The following CSMD3 variants were observed in gnomAD, a reference collection of about 807,000 sequenced individuals.
CSMD3 encodes the protein CUB and sushi domain-containing protein 3.
In CSMD3, 177 loss-of-function variants were observed where a neutral mutation model predicts 435.2. The observed-to-expected ratio is 0.41, with a 90% confidence interval of 0.36 to 0.46. The LOEUF is 0.46. Ranked by LOEUF, CSMD3 falls within the 20% of genes least tolerant of loss-of-function variation. The probability of loss-of-function intolerance (pLI) is 0.34; values close to 1 mark genes in which losing one functional copy is unlikely to be tolerated. For missense variants in CSMD3, 4,265 were observed against 4,504.6 expected (o/e 0.95, Z 1.52); for synonymous variants, 1,656 against 1,520.5 (o/e 1.09, Z -2.07).
At chr8:112,371,585 G>T (rs890788794) in intron 38 of CSMD3, among the ~76,000 whole-genome samples, 1 of 152,022 alleles carries the variant, frequency 6.6e-6, no homozygotes, top group African/African-American at 2.4e-5. Flanking sequence ...TCTGTGAGGT[G>T]TAAGATAAAA....
rs376729173 is a variant in CSMD3, at chr8:112,336,812, T to C, written c.6859A>G (p.Ile2287Val). The C allele has an allele frequency of 1.9e-6, 3 of 1,613,032 alleles. No homozygotes were observed. The highest frequency in any genetic ancestry group is 1.3e-5 in the African/African-American group (1 of 75,030). Residue 2287 changes from isoleucine to valine, a missense_variant, in exon 44 of 71, where the codon ATA becomes GTA. Physicochemically the swap from Ile to Val is conservative, Grantham distance 29. Around this residue, in one of 3 missense-constraint regions of CSMD3, gnomAD observed 3,255 missense variants for 3,380.2 expected, o/e 0.96. Transcript: ENST00000297405. ...TAAATGGTGCCATTCATTGCAGTTA[T>C]ATTCCCACCACAAAGAGCTACGGAA... is the stretch of plus-strand genomic sequence containing the variant. ...PRCEALCGGN[I>V]TAMNGTIYSP...
chr8:112,413,784 T>C (rs536721938), intron 32 of CSMD3, among the ~76,000 whole-genome samples: 2 of 152,306 alleles, frequency 1.3e-5, no homozygotes, highest in East Asian at 3.9e-4. Flanking sequence ...TAGCAGTCTC[T>C]CCTCGAACAA....
At chr8:112,687,593 GAT>G (rs2076040241) in intron 14 of CSMD3, among the ~76,000 whole-genome samples, 9 of 152,024 alleles carry the variant, frequency 5.9e-5, no homozygotes, top group Admixed American at 5.2e-4. Context: ...TCTACCAACA[GAT>G]ATATCTCTCT....
intron 2 of CSMD3, among the ~76,000 whole-genome samples, chr8:113,285,476 G>A (rs954582930): frequency 6.6e-6 from 1 of 152,052 alleles, no homozygotes. Flanking sequence ...AGCCAGGATG[G>A]TCTCGATCTC....
At chr8:112,805,007 C>T (rs2079051090) in intron 12 of CSMD3, among the ~76,000 whole-genome samples, 1 of 152,082 alleles carries the variant, frequency 6.6e-6, no homozygotes, top group Non-Finnish European at 1.5e-5. Flanking sequence ...TCTTACTTTC[C>T]ATCTGGTGTT....
chr8:112,965,254 A>C (rs1046307588), intron 7 of CSMD3, among the ~76,000 whole-genome samples: 2 of 152,030 alleles, frequency 1.3e-5, no homozygotes, highest in South Asian at 2.1e-4. Context: ...CAGGTAAAAG[A>C]AGCTCTGGTA....
chr8:112,540,055 A>G (rs1586637847), intron 27 of CSMD3, among the ~76,000 whole-genome samples: 1 of 152,142 alleles, frequency 6.6e-6, no homozygotes, highest in East Asian at 1.9e-4. Flanking sequence ...CTCAATAGCA[A>G]AAAAACACAA....
chr8:112,530,019 T>A (rs1341889955), intron 27 of CSMD3, among the ~76,000 whole-genome samples: 1 of 150,028 alleles, frequency 6.7e-6, no homozygotes, highest in Non-Finnish European at 1.5e-5. Context: ...ATAACTAAAG[T>A]GAAAAATAAC....
chr8:112,380,728 G>A (rs148038930), intron 37 of CSMD3, among the ~76,000 whole-genome samples: 2 of 152,170 alleles, frequency 1.3e-5, no homozygotes, highest in African/African-American at 4.8e-5. Context: ...AAAGCTATAC[G>A]TTTGACATGT....
chr8:112,537,599 G>A (rs1826245185), intron 27 of CSMD3, among the ~76,000 whole-genome samples: 1 of 151,704 alleles, frequency 6.6e-6, no homozygotes, highest in Non-Finnish European at 1.5e-5. Flanking sequence ...CTATTATGAA[G>A]AAGAATATAC....
At chr8:112,403,592 T>C (rs1831515790) in intron 35 of CSMD3, among the ~76,000 whole-genome samples, 1 of 152,134 alleles carries the variant, frequency 6.6e-6, no homozygotes, top group African/African-American at 2.4e-5. Flanking sequence ...AGTGCCTCTG[T>C]GTCCTCACAT....
At chr8:113,018,872 T>C in intron 6 of CSMD3, 195 bp downstream of exon 6, 3 of 591,174 alleles carry the variant, frequency 5.1e-6, no homozygotes, top group South Asian at 4.1e-5. Context: ...CTGAATATTA[T>C]ACTATAAAAT....
At chr8:112,718,515 G>GTATATATA (rs35810260) in intron 13 of CSMD3, among the ~76,000 whole-genome samples, 84 of 140,466 alleles carry the variant, frequency 6.0e-4, no homozygotes, top group African/African-American at 2.0e-3. Flanking sequence ...GTATATATAT[G>GTATATATA]TATATATATA....
chr8:112,505,048 C>T (rs1279030153), intron 29 of CSMD3, among the ~76,000 whole-genome samples: 1 of 152,084 alleles, frequency 6.6e-6, no homozygotes, highest in Non-Finnish European at 1.5e-5. Context: ...TAGAAGTTAA[C>T]GTTCCACAAT....
intron 61 of CSMD3, among the ~76,000 whole-genome samples, chr8:112,258,780 C>T (rs1053901968): frequency 3.3e-5 from 5 of 152,162 alleles, no homozygotes; most frequent in Admixed American, 2.6e-4. Context: ...TGGCTCACGC[C>T]TGTAATCCCA....
chr8:112,556,957 G>T lies in CSMD3; in HGVS notation c.4043-3C>A, dbSNP rs752996626. The T allele has an allele frequency of 6.2e-7, 1 of 1,604,298 alleles. No homozygotes were observed. The highest frequency in any genetic ancestry group is 2.2e-5 in the East Asian group (1 of 44,696). ...TTCACAGTGTGAGAGTTCAAAACCT[G>T]GGACAAAAATATAAATTGATTAAAG... On this transcript the variant is annotated splice_region_variant and splice_polypyrimidine_tract_variant and intron_variant, in intron 24 of 70. Coordinates refer to ENST00000297405, the MANE Select transcript of CSMD3 (RefSeq NM_198123.2).
chr8:112,695,736 A>T (rs969522053), intron 13 of CSMD3, among the ~76,000 whole-genome samples: 1 of 152,204 alleles, frequency 6.6e-6, no homozygotes, highest in Non-Finnish European at 1.5e-5. Flanking sequence ...GGCCAGGGCA[A>T]TCAGGCAGGA....
chr8:112,464,256 A>T (rs979442327), intron 32 of CSMD3, among the ~76,000 whole-genome samples: 1 of 151,188 alleles, frequency 6.6e-6, no homozygotes, highest in African/African-American at 2.4e-5. Context: ...AAAAAAAAAA[A>T]ATTGCCTTTG....
chr8:112,276,265 C>T (rs1365901505), intron 59 of CSMD3, among the ~76,000 whole-genome samples: 1 of 152,200 alleles, frequency 6.6e-6, no homozygotes, highest in Non-Finnish European at 1.5e-5. Context: ...CAGCTCCACC[C>T]CTGTGGCTTT....
Sources: gnomAD v4.1 joint callset for allele counts (sites outside exome capture counted in the v4.1 genomes callset) on GRCh38, gnomAD v4.1.1 for gene constraint, gnomAD v4.1.1 regional missense constraint, MANE v1.5 for transcripts, NCBI Gene and HGNC (gene_info 2026-07-23, HGNC 2026-07-21) for gene names.